Variants in SLC35F4 observed in about 807,000 individuals in gnomAD.
SLC35F4 encodes the protein chromosome 14 open reading frame 36.
SLC35F4 carries 24 observed loss-of-function variants against 44.2 expected under a neutral mutation model. That is an observed-to-expected ratio of 0.54 (90% confidence interval 0.39 to 0.76). The LOEUF (loss-of-function observed/expected upper bound fraction) is 0.76, where lower values mean the gene tolerates loss of function less well. Among genes scored for constraint, SLC35F4 ranks in the 30% least tolerant of loss-of-function variants. The pLI is 0.00. For synonymous variants in SLC35F4, 238 were observed against 223.6 expected, an observed-to-expected ratio of 1.06 and a Z score of -0.57; for missense variants, 562 against 586.1, an observed-to-expected ratio of 0.96 and a Z score of 0.42.
In SLC35F4 at chr14:57,756,447, CTGTA is replaced by C. The variant is rs529239897; in HGVS notation, c.103+109272_103+109275del. Among the ~76,000 whole-genome samples the C allele has an allele frequency of 9.3e-3, 1,416 of 152,202 alleles. 15 individuals carry two copies. Among genetic ancestry groups the C allele is most frequent in the South Asian group, 0.043 (207 of 4,826 alleles). The stretch of plus-strand genomic sequence containing the variant: ...TTCCAATGGAAGCAGAAAACATACT[CTGTA>C]TGACTTAAATCTTTTAACATTTCAG... On this transcript the variant is annotated intron_variant, in intron 1 of 7. Transcript: ENST00000556826.
intron 1 of SLC35F4, among the ~76,000 whole-genome samples, chr14:57,774,388 A>G (rs1193425671): frequency 6.6e-6 from 1 of 152,102 alleles, no homozygotes; most frequent in African/African-American, 2.4e-5. Flanking sequence ...TGGCATGGAG[A>G]GCTTCTTAGA....
At chr14:57,924,034 T>C (rs1889495927) in intron 1 of SLC35F4, among the ~76,000 whole-genome samples, 1 of 152,216 alleles carries the variant, frequency 6.6e-6, no homozygotes. Context: ...GTTTTAAAAA[T>C]GGGAGTTTCC....
intron 1 of SLC35F4, among the ~76,000 whole-genome samples, chr14:57,943,185 C>G (rs534373878): frequency 6.6e-6 from 1 of 152,276 alleles, no homozygotes; most frequent in East Asian, 1.9e-4. Flanking sequence ...GTTACTATGA[C>G]CTCAGTTCCT....
chr14:57,621,021 T>A (rs11848344), intron 1 of SLC35F4, among the ~76,000 whole-genome samples: 1 of 148,788 alleles, frequency 6.7e-6, no homozygotes, highest in Non-Finnish European at 1.5e-5. Context: ...TATACACCAA[T>A]AACAGACAAA....
chr14:57,679,460 A>T (rs2074816190), intron 1 of SLC35F4, among the ~76,000 whole-genome samples: 1 of 152,098 alleles, frequency 6.6e-6, no homozygotes, highest in Non-Finnish European at 1.5e-5. Context: ...CCACAATTAA[A>T]AGAACTAGAG....
chr14:57,703,435 C>G (rs2075592101), intron 1 of SLC35F4, among the ~76,000 whole-genome samples: 1 of 152,172 alleles, frequency 6.6e-6, no homozygotes, highest in South Asian at 2.1e-4. Context: ...CATGCTGCTC[C>G]CAAGAGGCCA....
At chr14:57,596,443 AATT>A in intron 1 of SLC35F4, 1 of 296,136 alleles carries the variant, frequency 3.4e-6, no homozygotes, top group Non-Finnish European at 6.5e-6. Context: ...GTGAACTCAC[AATT>A]ATTCCTGTTC....
intron 1 of SLC35F4, among the ~76,000 whole-genome samples, chr14:57,767,692 A>T (rs2077267403): frequency 6.6e-6 from 1 of 152,128 alleles, no homozygotes; most frequent in Admixed American, 6.5e-5. Context: ...AATAAAATTG[A>T]AAATAGGTAA....
intron 6 of SLC35F4, 98 bp downstream of exon 6, chr14:57,569,690 G>T: frequency 7.7e-7 from 1 of 1,300,568 alleles, no homozygotes; most frequent in Non-Finnish European, 1.0e-6. Context: ...GGGAACTAGA[G>T]CACAGAGTTA....
chr14:57,726,852 C>T (rs746976760), intron 1 of SLC35F4, among the ~76,000 whole-genome samples: 1 of 152,132 alleles, frequency 6.6e-6, no homozygotes, highest in Non-Finnish European at 1.5e-5. Context: ...CTGGGAAAGG[C>T]AGGCCCACCC....
At position 57,672,170 on chromosome 14, in the gene SLC35F4, C is replaced by T. The variant is rs2074542962; in HGVS notation, c.104-78046G>A. ...GGTGGACCGAGTCACCTCATGATCA[C>T]TCGCAGAGGCCACACACTTCTTTCT... On this transcript the variant is annotated intron_variant, in intron 1 of 7. Coordinates refer to ENST00000556826, the MANE Select transcript of SLC35F4 (RefSeq NM_001306087.2). Among the ~76,000 whole-genome samples, 3 of 152,034 alleles carry T rather than the reference C, an allele frequency of 2.0e-5. 1 individual carries two copies. The South Asian group carries it at 6.2e-4, about 32-fold the overall frequency.
At chr14:57,660,177 A>T (rs2074093276) in intron 1 of SLC35F4, among the ~76,000 whole-genome samples, 2 of 152,250 alleles carry the variant, frequency 1.3e-5, no homozygotes, top group Non-Finnish European at 2.9e-5. Flanking sequence ...GGCATGGTTT[A>T]AAAATAGCAG....
chr14:57,776,140 G>A (rs1380077798), intron 1 of SLC35F4, among the ~76,000 whole-genome samples: 2 of 152,142 alleles, frequency 1.3e-5, no homozygotes, highest in African/African-American at 2.4e-5. Context: ...CAAGAAATAT[G>A]GGATTATGTT....
At chr14:57,866,113 G>A, upstream of SLC35F4, 1 of 194,084 alleles carries the variant, frequency 5.2e-6, no homozygotes, top group Non-Finnish European at 1.0e-5. Flanking sequence ...CACCTCCGAC[G>A]CCCACCGTGG....
chr14:57,956,102 A>G (rs1407776931), intron 1 of SLC35F4, among the ~76,000 whole-genome samples: 3 of 152,194 alleles, frequency 2.0e-5, no homozygotes, highest in African/African-American at 4.8e-5. Context: ...TATATAGACC[A>G]ATGGAACAGA....
At chr14:57,777,088 C>T (rs1225915544) in intron 1 of SLC35F4, among the ~76,000 whole-genome samples, 1 of 152,194 alleles carries the variant, frequency 6.6e-6, no homozygotes, top group Non-Finnish European at 1.5e-5. Context: ...TAAGTCCACA[C>T]ATATCAATAC....
chr14:57,618,659 C>G (rs1745705), intron 1 of SLC35F4, among the ~76,000 whole-genome samples: 92,611 of 151,770 alleles, frequency 0.61, 30,489 homozygotes, highest in Non-Finnish European at 0.74. Flanking sequence ...TATTCATACC[C>G]CAGGGGCACC....
chr14:57,969,102 T>C (rs1954168420), intron 1 of SLC35F4, among the ~76,000 whole-genome samples: 2 of 152,270 alleles, frequency 1.3e-5, no homozygotes, highest in East Asian at 3.9e-4. Flanking sequence ...CCCACAAAGG[T>C]TAAAAATCTT....
At chr14:57,974,849 A>G (rs1039468552), downstream of SLC35F4, among the ~76,000 whole-genome samples, 1 of 152,240 alleles carries the variant, frequency 6.6e-6, no homozygotes, top group African/African-American at 2.4e-5. Context: ...GTACCTTATA[A>G]GAATTCATTA....
Sources: gnomAD v4.1 joint callset for allele counts (sites outside exome capture counted in the v4.1 genomes callset) on GRCh38, gnomAD v4.1.1 for gene constraint, MANE v1.5 for transcripts, NCBI Gene and HGNC (gene_info 2026-07-23, HGNC 2026-07-21) for gene names.